FBXL7: variants seen among roughly 807,000 people sequenced by gnomAD.
The protein encoded by FBXL7 is F-box/LRR-repeat protein 7.
A neutral mutation model predicts 38.3 loss-of-function variants in FBXL7; 12 were observed. That is an observed-to-expected ratio of 0.31 (90% CI 0.20 to 0.51). The LOEUF (loss-of-function observed/expected upper bound fraction) is 0.51. FBXL7 is among the 20% of genes least tolerant of loss of function. FBXL7 has a pLI of 0.98. For missense variants in FBXL7, 567 were observed against 676.4 expected, an observed-to-expected ratio of 0.84 and a Z score of 1.79; for synonymous variants, 297 against 300.9, an observed-to-expected ratio of 0.99 and a Z score of 0.13.
intron 2 of FBXL7, among the ~76,000 whole-genome samples, chr5:15,696,009 G>C (rs1260830841): frequency 6.6e-6 from 1 of 152,182 alleles, no homozygotes; most frequent in Non-Finnish European, 1.5e-5. Context: ...TCGCAAAAGA[G>C]GCATGTCCAC....
chr5:15,770,633 A>T (rs139898135), intron 2 of FBXL7, among the ~76,000 whole-genome samples: 370 of 152,338 alleles, frequency 2.4e-3, no homozygotes, highest in Admixed American at 7.4e-3. Context: ...ATCTTTTGTT[A>T]CTTGAAGCCA....
intron 2 of FBXL7, among the ~76,000 whole-genome samples, chr5:15,780,583 CT>C (rs1189252062): frequency 5.9e-5 from 9 of 152,222 alleles, no homozygotes; most frequent in African/African-American, 1.2e-4. Flanking sequence ...TCAACAGGCA[CT>C]TCTAAGATAT....
At chr5:15,508,102 C>T (rs942063863) in intron 1 of FBXL7, among the ~76,000 whole-genome samples, 8 of 152,138 alleles carry the variant, frequency 5.3e-5, no homozygotes, top group Admixed American at 2.0e-4. Context: ...CACCCAACAG[C>T]ATAGCTTAGC....
At chr5:15,854,597 A>G (rs1423149180) in intron 2 of FBXL7, among the ~76,000 whole-genome samples, 1 of 152,196 alleles carries the variant, frequency 6.6e-6, no homozygotes, top group Admixed American at 6.5e-5. Flanking sequence ...TGATTTTTAA[A>G]TCCTTTTTTA....
chr5:15,640,522 GT>G (rs58468117), intron 2 of FBXL7, among the ~76,000 whole-genome samples: 5 of 139,176 alleles, frequency 3.6e-5, no homozygotes, highest in African/African-American at 1.3e-4. Flanking sequence ...TTAGGGCTTT[GT>G]TTTTTTTTGT....
chr5:15,845,449 T>C (rs1199567810), intron 2 of FBXL7, among the ~76,000 whole-genome samples: 1 of 152,096 alleles, frequency 6.6e-6, no homozygotes, highest in Non-Finnish European at 1.5e-5. Flanking sequence ...AACATACTTT[T>C]ACCTCCTCTT....
chr5:15,510,083 T>G (rs1038191303), intron 1 of FBXL7, among the ~76,000 whole-genome samples: 2 of 152,242 alleles, frequency 1.3e-5, no homozygotes, highest in African/African-American at 4.8e-5. Context: ...TTACATTTAC[T>G]CATTCTATCA....
intron 2 of FBXL7, among the ~76,000 whole-genome samples, chr5:15,897,902 G>A (rs1213335832): frequency 6.6e-6 from 1 of 152,176 alleles, no homozygotes; most frequent in Non-Finnish European, 1.5e-5. Flanking sequence ...AGTAGAAGGT[G>A]TGAAACCCAT....
At chr5:15,682,106 G>T (rs1034630452) in intron 2 of FBXL7, among the ~76,000 whole-genome samples, 3 of 152,192 alleles carry the variant, frequency 2.0e-5, no homozygotes, top group Non-Finnish European at 2.9e-5. Flanking sequence ...GTGGTCAGAG[G>T]CAGGGTGGGG....
chr5:15,523,341 G>T (rs1400558002), intron 1 of FBXL7, among the ~76,000 whole-genome samples: 1 of 151,996 alleles, frequency 6.6e-6, no homozygotes, highest in East Asian at 1.9e-4. Context: ...GATGGATCAC[G>T]AGGTCAGGAG....
chr5:15,618,178 C>T (rs997520467), intron 2 of FBXL7, among the ~76,000 whole-genome samples: 2 of 151,922 alleles, frequency 1.3e-5, no homozygotes, highest in African/African-American at 4.8e-5. Flanking sequence ...TACATTTTGT[C>T]ACAATGTATT....
In FBXL7 at chr5:15,906,037, T is replaced by C. The variant is rs568249633; in HGVS notation, c.128-21853T>C. 3.3e-5 allele frequency among the ~76,000 whole-genome samples: 5 copies of C among 152,238 alleles called. No homozygotes were observed. The South Asian group carries it at 1.0e-3, about 32-fold the overall frequency. ...AGAATCCACCATTCTGTTTATTTTA[T>C]GATTGAGTTATAAGCCTTGAATTTG... On this transcript the variant is annotated intron_variant, in intron 2 of 3. Transcript: ENST00000504595.
chr5:15,673,721 AT>A (rs1458280955), intron 2 of FBXL7, among the ~76,000 whole-genome samples: 1 of 152,146 alleles, frequency 6.6e-6, no homozygotes, highest in Non-Finnish European at 1.5e-5. Flanking sequence ...CCCTATGAGT[AT>A]CCCCAAGCCT....
intron 2 of FBXL7, among the ~76,000 whole-genome samples, chr5:15,657,945 C>T (rs1425369185): frequency 2.0e-5 from 3 of 152,082 alleles, no homozygotes; most frequent in Admixed American, 2.0e-4. Context: ...ATAAATTCTG[C>T]CTAAGGTGGA....
intron 2 of FBXL7, among the ~76,000 whole-genome samples, chr5:15,684,057 T>A (rs1409465074): frequency 6.6e-6 from 1 of 152,198 alleles, no homozygotes; most frequent in Non-Finnish European, 1.5e-5. Context: ...TAAATTTCAA[T>A]ATGGTTTAAA....
At chr5:15,876,200 G>T in intron 2 of FBXL7, among the ~76,000 whole-genome samples, 1 of 151,926 alleles carries the variant, frequency 6.6e-6, no homozygotes, top group Non-Finnish European at 1.5e-5. Flanking sequence ...GTTGAACAAT[G>T]AGAACACATG....
intron 2 of FBXL7, among the ~76,000 whole-genome samples, chr5:15,748,924 T>C (rs577483533): frequency 6.6e-6 from 1 of 152,294 alleles, no homozygotes; most frequent in East Asian, 1.9e-4. Flanking sequence ...CCTCCTAAAG[T>C]GTTGCCATGG....
chr5:15,772,754 C>T (rs1336282909), intron 2 of FBXL7, among the ~76,000 whole-genome samples: 1 of 152,138 alleles, frequency 6.6e-6, no homozygotes, highest in African/African-American at 2.4e-5. Flanking sequence ...ATCTTCTGCT[C>T]ACTCTCCTCA....
intron 2 of FBXL7, among the ~76,000 whole-genome samples, chr5:15,651,174 G>A (rs1472364444): frequency 6.8e-6 from 1 of 146,354 alleles, no homozygotes; most frequent in Non-Finnish European, 1.5e-5. Context: ...TCGGCTCACT[G>A]CAACTTCCAC....
Sources: allele counts gnomAD v4.1 joint callset (sites outside exome capture counted in the v4.1 genomes callset), GRCh38; gene constraint gnomAD v4.1.1; transcripts MANE v1.5; gene names NCBI Gene and HGNC (gene_info 2026-07-23, HGNC 2026-07-21).